LRP1B: variants seen among roughly 807,000 people sequenced by gnomAD.
LRP1B encodes low-density lipoprotein receptor-related protein 1B.
Under a neutral mutation model 556.6 loss-of-function variants are expected in LRP1B, and 217 were observed. That is an observed-to-expected ratio of 0.39 (90% CI 0.35 to 0.44). The LOEUF (loss-of-function observed/expected upper bound fraction) is 0.44. Among genes scored for constraint, LRP1B ranks in the 20% least tolerant of loss-of-function variants. The pLI is 1.00. For synonymous variants in LRP1B, 2,047 were observed against 1,865.8 expected (o/e 1.10, Z -2.50); for missense variants, 5,053 against 5,620.8 (o/e 0.90, Z 3.23).
intron 2 of LRP1B, among the ~76,000 whole-genome samples, chr2:141,601,250 C>T (rs1226708569): frequency 1.3e-5 from 2 of 150,734 alleles, no homozygotes; most frequent in East Asian, 3.9e-4. Flanking sequence ...ATCTTAATAA[C>T]AGCACATGAA....
chr2:140,374,813 A>G (rs1683148535), intron 68 of LRP1B, among the ~76,000 whole-genome samples: 1 of 152,170 alleles, frequency 6.6e-6, no homozygotes, highest in African/African-American at 2.4e-5. Flanking sequence ...AAACATTTTT[A>G]GGAGCGATGA....
At chr2:141,017,407 T>C (rs1481784006) in intron 12 of LRP1B, among the ~76,000 whole-genome samples, 1 of 106,940 alleles carries the variant, frequency 9.4e-6, no homozygotes, top group East Asian at 3.0e-4. Context: ...CTTTTGATCA[T>C]GGCAACATGT....
chr2:140,331,309 A>G (rs1680799948), intron 79 of LRP1B, among the ~76,000 whole-genome samples: 1 of 152,042 alleles, frequency 6.6e-6, no homozygotes, highest in African/African-American at 2.4e-5. Context: ...TCCTCAGCAA[A>G]ATATTTCATG....
chr2:141,322,203 A>G (rs1687266943), intron 3 of LRP1B, among the ~76,000 whole-genome samples: 1 of 152,102 alleles, frequency 6.6e-6, no homozygotes, highest in South Asian at 2.1e-4. Context: ...TCAATCCATG[A>G]CAAGAGAGGA....
intron 86 of LRP1B, 37 bp from the exon 87 acceptor site, chr2:140,247,199 G>A (rs780117670): frequency 2.4e-5 from 34 of 1,440,440 alleles, no homozygotes; most frequent in East Asian, 6.9e-5. Context: ...ACAGATCAGC[G>A]AATAACAAAG....
At chr2:141,183,137 T>G (rs1681081012) in intron 7 of LRP1B, among the ~76,000 whole-genome samples, 1 of 151,972 alleles carries the variant, frequency 6.6e-6, no homozygotes. Flanking sequence ...TCTGAGGCAT[T>G]TAATAGCCAA....
chr2:140,625,856 A>C (rs1683639319), intron 41 of LRP1B, among the ~76,000 whole-genome samples: 1 of 152,186 alleles, frequency 6.6e-6, no homozygotes, highest in South Asian at 2.1e-4. Flanking sequence ...CATATGATCC[A>C]GCATTCATTC....
intron 3 of LRP1B, among the ~76,000 whole-genome samples, chr2:141,333,259 T>A (rs368889547): frequency 6.6e-6 from 1 of 152,238 alleles, no homozygotes; most frequent in East Asian, 1.9e-4. Context: ...GGCACTAAGA[T>A]AGAAATATTT....
At chr2:141,439,197 C>T (rs183308546) in intron 3 of LRP1B, among the ~76,000 whole-genome samples, 10 of 152,212 alleles carry the variant, frequency 6.6e-5, no homozygotes, top group Admixed American at 3.9e-4. Context: ...ATATTATGGG[C>T]TGTGAAATCA....
chr2:141,357,968 A>G (rs988294671), intron 3 of LRP1B, among the ~76,000 whole-genome samples: 5 of 152,196 alleles, frequency 3.3e-5, no homozygotes, highest in Non-Finnish European at 7.3e-5. Flanking sequence ...ACTGTTGAGG[A>G]AAAACAACCC....
At chr2:140,417,691 G>T (rs1372477768) in intron 66 of LRP1B, among the ~76,000 whole-genome samples, 1 of 152,078 alleles carries the variant, frequency 6.6e-6, no homozygotes, top group African/African-American at 2.4e-5. Context: ...ACGGCTTTCT[G>T]GTTTCACTAC....
intron 3 of LRP1B, among the ~76,000 whole-genome samples, chr2:141,450,742 G>A (rs1314226848): frequency 6.6e-6 from 1 of 151,974 alleles, no homozygotes; most frequent in East Asian, 1.9e-4. Flanking sequence ...TTTTGTGGGA[G>A]GCAGTGTGGA....
At chr2:140,389,240 T>C (rs1298195681) in intron 66 of LRP1B, among the ~76,000 whole-genome samples, 4 of 152,056 alleles carry the variant, frequency 2.6e-5, no homozygotes, top group Non-Finnish European at 5.9e-5. Flanking sequence ...AGGAGAATTA[T>C]ATGTAGTATA....
intron 1 of LRP1B, among the ~76,000 whole-genome samples, chr2:141,867,871 A>T (rs556309656): frequency 1.3e-5 from 2 of 152,140 alleles, no homozygotes; most frequent in Non-Finnish European, 2.9e-5. Flanking sequence ...AAGTTATACA[A>T]ATTGAGAGTT....
At chr2:140,936,946 C>T (rs944026526) in intron 20 of LRP1B, among the ~76,000 whole-genome samples, 1 of 152,010 alleles carries the variant, frequency 6.6e-6, no homozygotes, top group Non-Finnish European at 1.5e-5. Context: ...GATTTTGTGA[C>T]ATCAATAACT....
chr2:141,175,204 T>C (rs1287360799), intron 7 of LRP1B, among the ~76,000 whole-genome samples: 2 of 152,064 alleles, frequency 1.3e-5, no homozygotes, highest in African/African-American at 4.8e-5. Context: ...GTTTGAAAAA[T>C]TTACAGCCTG....
At chr2:140,551,110 T>A (rs1167840667) in intron 43 of LRP1B, among the ~76,000 whole-genome samples, 1 of 152,108 alleles carries the variant, frequency 6.6e-6, no homozygotes, top group East Asian at 1.9e-4. Flanking sequence ...GCCCCCAGAA[T>A]TGTGAGAAAT....
intron 21 of LRP1B, among the ~76,000 whole-genome samples, chr2:140,920,719 T>A (rs1165660848): frequency 6.6e-6 from 1 of 152,016 alleles, no homozygotes; most frequent in African/African-American, 2.4e-5. Context: ...AAAACACAGA[T>A]CAGATTAGAA....
intron 33 of LRP1B, among the ~76,000 whole-genome samples, chr2:140,774,334 T>C (rs1490165579): frequency 6.6e-6 from 1 of 152,168 alleles, no homozygotes; most frequent in African/African-American, 2.4e-5. Flanking sequence ...GAACACCCAA[T>C]TATACCTATA....
Sources: allele counts gnomAD v4.1 joint callset (sites outside exome capture counted in the v4.1 genomes callset), GRCh38; gene constraint gnomAD v4.1.1; transcripts MANE v1.5; gene names NCBI Gene and HGNC (gene_info 2026-07-23, HGNC 2026-07-21).